Variants in OR51B5 observed in about 807,000 individuals in gnomAD.
OR51B5 encodes olfactory receptor family 51 subfamily B member 5.
For synonymous variants in OR51B5, 186 were observed against 144.8 expected, an observed-to-expected ratio of 1.28 and a Z score of -2.04; for missense variants, 456 against 374.6, an observed-to-expected ratio of 1.22 and a Z score of -1.79.
chr11:5,380,219 G>A (rs565886277), intron 1 of OR51B5, among the ~76,000 whole-genome samples: 1 of 152,316 alleles, frequency 6.6e-6, no homozygotes, highest in South Asian at 2.1e-4. Flanking sequence ...GTTGCTGTGG[G>A]AAGATGTGGA....
At chr11:5,394,446 T>A (rs1298473393) in intron 1 of OR51B5, among the ~76,000 whole-genome samples, 3 of 152,226 alleles carry the variant, frequency 2.0e-5, no homozygotes, top group African/African-American at 7.2e-5. Flanking sequence ...CTAATGACAG[T>A]ATCTGCTTTA....
At chr11:5,350,427 A>G (rs1002683126) in intron 1 of OR51B5, among the ~76,000 whole-genome samples, 5 of 152,272 alleles carry the variant, frequency 3.3e-5, no homozygotes, top group African/African-American at 1.2e-4. Flanking sequence ...TATAGTCCAA[A>G]CCAACCATAA....
At chr11:5,394,377 TCAA>T (rs1300289135) in intron 1 of OR51B5, among the ~76,000 whole-genome samples, 1 of 152,096 alleles carries the variant, frequency 6.6e-6, no homozygotes, top group Non-Finnish European at 1.5e-5. Context: ...CTCCACTGAT[TCAA>T]CAACAACAAC....
chr11:5,466,789 T>C (rs922038763), intron 1 of OR51B5, among the ~76,000 whole-genome samples: 1 of 152,182 alleles, frequency 6.6e-6, no homozygotes, highest in South Asian at 2.1e-4. Context: ...AAAGTAGCAC[T>C]TTCTTTGAGG....
intron 1 of OR51B5, chr11:5,431,011 C>T (rs1159225008): frequency 2.2e-6 from 1 of 457,068 alleles, no homozygotes; most frequent in South Asian, 1.5e-5. Flanking sequence ...GCCCAGGATG[C>T]TGTTGAGTTT....
intron 1 of OR51B5, among the ~76,000 whole-genome samples, chr11:5,377,111 G>T (rs10837942): frequency 6.6e-6 from 1 of 151,752 alleles, no homozygotes; most frequent in Non-Finnish European, 1.5e-5. Context: ...GCTTATCCAC[G>T]ATGATCAAGT....
intron 1 of OR51B5, among the ~76,000 whole-genome samples, chr11:5,366,765 T>C (rs1849376166): frequency 6.6e-6 from 1 of 152,026 alleles, no homozygotes; most frequent in Non-Finnish European, 1.5e-5. Flanking sequence ...TCACTTGAGA[T>C]TCAAAGTCTT....
chr11:5,486,109 C>T (rs428345), intron 1 of OR51B5, among the ~76,000 whole-genome samples: 146,200 of 151,920 alleles, frequency 0.96, 70,374 homozygotes, highest in South Asian at 0.99. Context: ...ATCAGACTTC[C>T]AGCCTCCACA....
At chr11:5,441,045 G>A (rs769527636) in intron 1 of OR51B5, 1 of 1,613,964 alleles carries the variant, frequency 6.2e-7, no homozygotes, top group Non-Finnish European at 8.5e-7. Flanking sequence ...AGGGAAGAGA[G>A]TGGTGAAACT....
chr11:5,414,264 G>C (rs1294853186), intron 1 of OR51B5, among the ~76,000 whole-genome samples: 1 of 151,408 alleles, frequency 6.6e-6, no homozygotes, highest in Non-Finnish European at 1.5e-5. Context: ...GTCTGCCCTA[G>C]AAGAGCTCCT....
At chr11:5,406,511 A>C (rs1332655584) in intron 1 of OR51B5, among the ~76,000 whole-genome samples, 1 of 152,148 alleles carries the variant, frequency 6.6e-6, no homozygotes, top group African/African-American at 2.4e-5. Flanking sequence ...ATTCTATGCT[A>C]ACTTAAAATT....
chr11:5,362,687 CT>C, intron 1 of OR51B5: 8 of 214,468 alleles, frequency 3.7e-5, no homozygotes, highest in South Asian at 1.0e-4. Context: ...GATTGTAGAG[CT>C]TTTGGCCATC....
intron 1 of OR51B5, chr11:5,393,287 G>A (rs993095158): frequency 3.9e-5 from 6 of 152,052 alleles, no homozygotes; most frequent in African/African-American, 1.4e-4. Flanking sequence ...AAAATGTCTA[G>A]AATAAAAATA....
chr11:5,396,056 A>G (rs1264299918), intron 1 of OR51B5, among the ~76,000 whole-genome samples: 2 of 152,190 alleles, frequency 1.3e-5, no homozygotes, highest in South Asian at 2.1e-4. Flanking sequence ...TTGCACAATC[A>G]TAGAGTGAAG....
intron 1 of OR51B5, among the ~76,000 whole-genome samples, chr11:5,461,345 G>C (rs1252290282): frequency 1.3e-5 from 2 of 152,208 alleles, no homozygotes; most frequent in Non-Finnish European, 2.9e-5. Context: ...TCCGAGGGCG[G>C]GGGTTGCTAG....
At chr11:5,392,633 C>T (rs558604769) in intron 1 of OR51B5, 2 of 152,352 alleles carry the variant, frequency 1.3e-5, no homozygotes, top group African/African-American at 4.8e-5. Flanking sequence ...CAATATCTGG[C>T]TGGGCGCGGT....
At chr11:5,377,110 C>T (rs1326887646) in intron 1 of OR51B5, among the ~76,000 whole-genome samples, 5 of 152,174 alleles carry the variant, frequency 3.3e-5, no homozygotes, top group South Asian at 4.2e-4. Context: ...AGCTTATCCA[C>T]GATGATCAAG....
intron 1 of OR51B5, among the ~76,000 whole-genome samples, chr11:5,361,121 C>T (rs1275848730): frequency 2.0e-5 from 3 of 149,726 alleles, no homozygotes; most frequent in South Asian, 4.3e-4. Flanking sequence ...GCAAATGTAC[C>T]CTAAAACTTA....
At position 5,403,154 on chromosome 11, in the gene OR51B5, A is replaced by G. The variant is rs972109464; in HGVS notation, n.85-56244T>C. 34 of 461,836 alleles carry G rather than the reference A, an allele frequency of 7.4e-5. No individual in the cohort carries two copies. The Admixed American group carries it at 7.6e-4, about 10-fold the overall frequency. The allele number at this position is 461,836 out of a possible 1,614,324, so 28.6% of individuals were successfully genotyped here. A position where few individuals can be genotyped will look rare whatever the true frequency, so the allele number is the denominator to read the frequency against. On this transcript the variant is annotated intron_variant and non_coding_transcript_variant, in intron 1 of 4. Coordinates refer to the OR51B5 transcript ENST00000415970. Reference sequence around the variant, plus strand: ...TCACATTCCTATTGTCTGCACCCCAATCTTATCTATCTTGTGGGAACATTT... The same window carrying G: ...TCACATTCCTATTGTCTGCACCCCAGTCTTATCTATCTTGTGGGAACATTT...
Sources: allele counts gnomAD v4.1 joint callset (sites outside exome capture counted in the v4.1 genomes callset), GRCh38; gene constraint gnomAD v4.1.1; transcripts MANE v1.5; gene names NCBI Gene and HGNC (gene_info 2026-07-23, HGNC 2026-07-21).